Variants in ARHGAP22 observed in about 807,000 individuals in gnomAD.
The protein encoded by ARHGAP22 is Rho GTPase activating protein 22.
In ARHGAP22, 48 loss-of-function variants were observed where a neutral mutation model predicts 59.1. The observed-to-expected ratio is 0.81, with a 90% CI of 0.64 to 1.03. ARHGAP22 has a LOEUF of 1.03. Ranked by LOEUF, ARHGAP22 falls within the 50% of genes least tolerant of loss-of-function variation. The pLI is 0.00. For synonymous variants in ARHGAP22, 445 were observed against 416.4 expected (o/e 1.07, Z -0.84); for missense variants, 1,015 against 958.7 (o/e 1.06, Z -0.78).
intron 9 of ARHGAP22, 131 bp from the exon 10 acceptor site, chr10:48,446,750 C>G: frequency 2.4e-6 from 2 of 850,860 alleles, no homozygotes; most frequent in Admixed American, 5.3e-5. Context: ...GAAACCCTGG[C>G]TCATCTGCTC....
chr10:48,627,483 G>C (rs1481509736), intron 1 of ARHGAP22, among the ~76,000 whole-genome samples: 1 of 152,188 alleles, frequency 6.6e-6, no homozygotes, highest in Non-Finnish European at 1.5e-5. Flanking sequence ...GGCAAGACAG[G>C]TGTCCAAGGA....
intron 3 of ARHGAP22, chr10:48,523,940 A>C: frequency 2.3e-6 from 2 of 887,876 alleles, no homozygotes; most frequent in Non-Finnish European, 3.0e-6. Context: ...CCCTTTCCAA[A>C]GCTGAGGCAG....
At chr10:48,523,301 T>C (rs536850505) in intron 3 of ARHGAP22, among the ~76,000 whole-genome samples, 38 of 152,068 alleles carry the variant, frequency 2.5e-4, no homozygotes, top group Non-Finnish European at 4.4e-4. Context: ...GCGCGGCAGG[T>C]GAGTGTTAGG....
the ARHGAP22 span, chr10:48,437,916 A>T: frequency 1.3e-5 from 2 of 152,236 alleles, no homozygotes; most frequent in Non-Finnish European, 2.9e-5. Context: ...TGTCTAAAAG[A>T]TGGAGGGAAG....
chr10:48,484,464 C>T (rs1474933230), intron 3 of ARHGAP22, among the ~76,000 whole-genome samples: 1 of 152,164 alleles, frequency 6.6e-6, no homozygotes, highest in Admixed American at 6.5e-5. Context: ...CCTTTACTTA[C>T]AGTGTCTTGG....
intron 2 of ARHGAP22, among the ~76,000 whole-genome samples, chr10:48,572,846 A>C (rs7358032): frequency 0.39 from 58,759 of 152,074 alleles, 12,789 homozygotes; most frequent in East Asian, 0.89. Context: ...CAAACCTGGA[A>C]ATGGCATGGC....
chr10:48,591,320 A>G (rs930821764), intron 1 of ARHGAP22, among the ~76,000 whole-genome samples: 1 of 152,214 alleles, frequency 6.6e-6, no homozygotes, highest in Non-Finnish European at 1.5e-5. Context: ...AGGAGAGCAG[A>G]AGGACTGTGC....
intron 2 of ARHGAP22, among the ~76,000 whole-genome samples, chr10:48,558,431 T>C (rs2084046): frequency 0.98 from 149,704 of 152,086 alleles, 73,720 homozygotes; most frequent in Middle Eastern, 1. Flanking sequence ...GTTGCGATCA[T>C]GGCTTACTGC....
intron 3 of ARHGAP22, among the ~76,000 whole-genome samples, chr10:48,487,950 G>A (rs1440098903): frequency 6.6e-6 from 1 of 152,184 alleles, no homozygotes; most frequent in Non-Finnish European, 1.5e-5. Context: ...CCAAGCCTGT[G>A]GTTCCAGCTA....
At chr10:48,453,946 TCCACG>T in intron 7 of ARHGAP22, 137 bp downstream of exon 7, 2 of 843,402 alleles carry the variant, frequency 2.4e-6, no homozygotes, top group Non-Finnish European at 3.9e-6. Context: ...CCCTGCTTCG[TCCACG>T]CTGGGTTGAG....
chr10:48,500,682 G>A (rs1207527997), intron 3 of ARHGAP22, among the ~76,000 whole-genome samples: 1 of 152,152 alleles, frequency 6.6e-6, no homozygotes, highest in Non-Finnish European at 1.5e-5. Flanking sequence ...GAGGCCAGGA[G>A]TTCGAGACCA....
chr10:48,582,408 C>T (rs2059172098), intron 2 of ARHGAP22, among the ~76,000 whole-genome samples: 1 of 152,218 alleles, frequency 6.6e-6, no homozygotes. Flanking sequence ...CGAGGCTATA[C>T]TGTGATGGGC....
At chr10:48,538,282 C>T (rs542647218) in intron 3 of ARHGAP22, among the ~76,000 whole-genome samples, 1 of 152,168 alleles carries the variant, frequency 6.6e-6, no homozygotes, top group Non-Finnish European at 1.5e-5. Context: ...TCCTGTCTGT[C>T]CTCTCCTCTG....
chr10:48,458,936 AG>A (rs1469669013), intron 5 of ARHGAP22, among the ~76,000 whole-genome samples: 7 of 152,218 alleles, frequency 4.6e-5, no homozygotes, highest in African/African-American at 1.7e-4. Context: ...TTCTGCCCCC[AG>A]AGGAGAAGCC....
intron 3 of ARHGAP22, among the ~76,000 whole-genome samples, chr10:48,518,705 C>T (rs142689964): frequency 6.6e-5 from 10 of 152,264 alleles, no homozygotes; most frequent in Non-Finnish European, 1.5e-4. Flanking sequence ...AGTGAGACCC[C>T]GCAGGTGACC....
At chr10:48,574,542 G>A (rs1247340162) in intron 2 of ARHGAP22, among the ~76,000 whole-genome samples, 3 of 152,224 alleles carry the variant, frequency 2.0e-5, no homozygotes, top group Non-Finnish European at 2.9e-5. Flanking sequence ...CTTGAGCTGG[G>A]TGGAGGTTAT....
At chr10:48,443,033 GTTCTGC>G (rs2045238780), downstream of ARHGAP22, among the ~76,000 whole-genome samples, 1 of 152,126 alleles carries the variant, frequency 6.6e-6, no homozygotes, top group African/African-American at 2.4e-5. Flanking sequence ...AAACTGCTGT[GTTCTGC>G]TTGAGAAGCT....
At chr10:48,569,669 C>T (rs185380566) in intron 2 of ARHGAP22, among the ~76,000 whole-genome samples, 119 of 152,334 alleles carry the variant, frequency 7.8e-4, no homozygotes, top group Non-Finnish European at 4.0e-4. Flanking sequence ...GTGCTGTAAA[C>T]TAATATCCAT....
rs996853370 is a variant in ARHGAP22, at chr10:48,582,589, T to C, written c.234+364A>G. On this transcript the variant is annotated intron_variant, in intron 2 of 9. Transcript: ENST00000249601. Reference sequence around the variant, plus strand: ...AGGTTTCAGTTTGAGGCTAGATGTGTCTGGTGACCCATTTTCCTGCAAGAT... The same window carrying C: ...AGGTTTCAGTTTGAGGCTAGATGTGCCTGGTGACCCATTTTCCTGCAAGAT... 6.8e-5 allele frequency: 20 copies of C among 292,546 alleles called. No individual in the cohort carries two copies. In the Admixed American group the frequency reaches 8.9e-4, roughly 13 times the overall value. 18.1% of individuals were successfully genotyped at this position (292,546 alleles called of 1,614,324 possible).
Sources: allele counts gnomAD v4.1 joint callset (sites outside exome capture counted in the v4.1 genomes callset), GRCh38; gene constraint gnomAD v4.1.1; transcripts MANE v1.5; gene names NCBI Gene and HGNC (gene_info 2026-07-23, HGNC 2026-07-21).